The following ACIN1 variants were observed in gnomAD, a reference collection of about 807,000 sequenced individuals.
The protein encoded by ACIN1 is apoptotic chromatin condensation inducer 1.
ACIN1 carries 16 observed loss-of-function variants against 146.6 expected under a neutral mutation model. The ratio of observed to expected loss-of-function variants is 0.11; its 90% CI spans 0.07 to 0.17. The LOEUF is 0.17. Among genes scored for constraint, ACIN1 ranks in the 10% least tolerant of loss-of-function variants. ACIN1 has a pLI of 1.00. For synonymous variants in ACIN1, 569 were observed against 582.7 expected (o/e 0.98, Z 0.34); for missense variants, 1,357 against 1,609.3 (o/e 0.84, Z 2.68).
Position 23,068,689 on chromosome 14 carries a change from G to C in ACIN1, c.2265+787C>G. On this transcript the variant is annotated intron_variant, in intron 9 of 18. Transcript: ENST00000605057. This position sits in a 1 kb window ranked among gnomAD's most constrained non-coding sequence, Gnocchi z 4.3. ...ATGAGGTACTTGGACAAAGTTTTAC[G>C]GGGAAGAAGGACCTTGTAATAAATA... 1 of 985,768 alleles carries C rather than the reference G, an allele frequency of 1.0e-6. No individual in the cohort carries two copies. Among genetic ancestry groups the C allele is most frequent in the Non-Finnish European group, 1.2e-6 (1 of 829,962 alleles). 61.1% of individuals were successfully genotyped at this position (985,768 alleles called of 1,614,324 possible).
At chr14:23,062,691 C>G (rs1057069554) in intron 14 of ACIN1, 168 bp from the exon 15 acceptor site, 1 of 762,890 alleles carries the variant, frequency 1.3e-6, no homozygotes, top group Non-Finnish European at 2.1e-6. Context: ...TGCTTCCCAG[C>G]ACTAATTGAG....
At chr14:23,069,791 G>A (rs973343430) in intron 8 of ACIN1, among the ~76,000 whole-genome samples, 174 bp from the exon 9 acceptor site, 2 of 152,170 alleles carry the variant, frequency 1.3e-5, no homozygotes, top group Non-Finnish European at 2.9e-5. Flanking sequence ...GGAAAAGTGG[G>A]AAATAGATTT....
chr14:23,076,715 C>T (rs567893631), intron 8 of ACIN1, among the ~76,000 whole-genome samples: 265 of 152,258 alleles, frequency 1.7e-3, no homozygotes, highest in African/African-American at 6.0e-3. Context: ...CACTTCAAAA[C>T]TGCCATTTCA....
chr14:23,069,572 A>G lies in ACIN1; in HGVS notation c.2169T>C (p.Pro723=), dbSNP rs1407162761. ...TGGGAGGTTCTGGAACATCATTTTC[A>G]GGTCTGTTTTCACTTGTGTCCATGG... is the stretch of plus-strand genomic sequence containing the variant. The part of the protein sequence containing the change: ...EVTMDTSENR[P]ENDVPEPPMP... Residue 723 remains proline (P), a synonymous_variant, in exon 9 of 19, where the codon CCT becomes CCC. Coordinates refer to ENST00000605057, the MANE Select transcript of ACIN1 (RefSeq NM_001386863.1). 1.4e-6 allele frequency: 2 copies of G among 1,481,152 alleles called. No individual in the cohort carries two copies. Among genetic ancestry groups the G allele is most frequent in the African/African-American group, 1.5e-5 (1 of 67,960 alleles). The allele number at this position is 1,481,152 out of a possible 1,614,324, so 91.8% of individuals were successfully genotyped here. A position where few individuals can be genotyped will look rare whatever the true frequency, so the allele number is the denominator to read the frequency against.
chr14:23,079,477 C>T (rs1013505292), intron 6 of ACIN1, 70 bp downstream of exon 6: 3 of 1,567,262 alleles, frequency 1.9e-6, no homozygotes, highest in Non-Finnish European at 2.6e-6. Flanking sequence ...GACAGGCTCT[C>T]CAGGGGCTGA....
chr14:23,067,210 T>A lies in ACIN1; in HGVS notation c.2266-1202A>T, dbSNP rs1299493597. ...AATAAATAAAAGAAATCAGAAAAAA[T>A]AAAGATATAGAAAAAAATAAAATAA... On this transcript the variant is annotated intron_variant, in intron 9 of 18. Transcript: ENST00000605057. This position sits in a 1 kb window ranked among gnomAD's most constrained non-coding sequence, Gnocchi z 4.6. 4.1e-6 allele frequency: 3 copies of A among 731,570 alleles called. No individual in the cohort carries two copies. Among genetic ancestry groups the A allele is most frequent in the African/African-American group, 4.0e-5 (2 of 50,012 alleles). The allele number at this position is 731,570 out of a possible 1,614,324, so 45.3% of individuals were successfully genotyped here. A position where few individuals can be genotyped will look rare whatever the true frequency, so the allele number is the denominator to read the frequency against.
chr14:23,076,620 A>G (rs1363079697), intron 8 of ACIN1: 1 of 152,238 alleles, frequency 6.6e-6, no homozygotes, highest in Non-Finnish European at 1.5e-5. Context: ...TAAGGCTAGC[A>G]AAGAGCTTTT....
At chr14:23,060,703 G>C (rs764718819) in intron 18 of ACIN1, among the ~76,000 whole-genome samples, 7 of 152,114 alleles carry the variant, frequency 4.6e-5, no homozygotes, top group Non-Finnish European at 7.4e-5. Flanking sequence ...AGTAGAGACA[G>C]GGTTTCCATG....
In ACIN1 at chr14:23,095,129, G is replaced by C. The variant is rs567644587; in HGVS notation, c.-17C>G. The stretch of plus-strand genomic sequence containing the variant: ...CTCCGCCATCTTGCGTGAGGTACTC[G>C]GGTCCGTCCCGACGGCTTCGGGCAT... On this transcript the variant is annotated 5_prime_UTR_variant, in exon 1 of 19. Coordinates refer to ENST00000605057, the MANE Select transcript of ACIN1 (RefSeq NM_001386863.1). 1.2e-6 allele frequency: 2 copies of C among 1,614,222 alleles called. No individual in the cohort carries two copies. The highest frequency in any genetic ancestry group is 2.7e-5 in the African/African-American group (2 of 75,064).
intron 9 of ACIN1, among the ~76,000 whole-genome samples, chr14:23,066,678 T>A (rs1050024506): frequency 6.6e-6 from 1 of 152,130 alleles, no homozygotes; most frequent in African/African-American, 2.4e-5. Flanking sequence ...GTGTCTTTGA[T>A]AAAGGAAGGT....
In ACIN1 at chr14:23,059,387, G is replaced by A. The variant is rs761014319; in HGVS notation, c.3613C>T (p.Arg1205Trp). The A allele has an allele frequency of 1.5e-5, 25 of 1,613,130 alleles. 1 individual carries two copies. The South Asian group carries it at 2.7e-4, about 18-fold the overall frequency. The change falls in exon 19 of 19, where the codon CGG (arginine) becomes TGG (tryptophan). Residue 1205 changes from arginine to tryptophan, a missense_variant. Transcript: ENST00000605057. ...CGTTCCCGCTCGGCTTCCTTCTCCC[G>A]CTCCTTTTGCTCTTCTTCTTCTTGC... ...KEQEEEEQKE[R>W]EKEAERERNR... is the part of the protein sequence containing the mutation.
chr14:23,088,672 T>C (rs2048147515), intron 4 of ACIN1, among the ~76,000 whole-genome samples: 1 of 152,206 alleles, frequency 6.6e-6, no homozygotes, highest in Non-Finnish European at 1.5e-5. Flanking sequence ...TTATTCAAAA[T>C]ACTTGTTAAG....
intron 1 of ACIN1, chr14:23,094,463 C>T: frequency 2.0e-6 from 2 of 985,176 alleles, no homozygotes; most frequent in Non-Finnish European, 2.4e-6. Flanking sequence ...TCATCAAGTC[C>T]CTTCAAATAA....
At chr14:23,079,133 T>C in intron 6 of ACIN1, 95 bp from the exon 7 acceptor site, 1 of 1,251,934 alleles carries the variant, frequency 8.0e-7, no homozygotes. Context: ...GACCAAATTT[T>C]ATACTCTGGA....
rs762640235 is a variant in ACIN1, at chr14:23,069,627, G to T, written c.2124-10C>A. On this transcript the variant is annotated splice_polypyrimidine_tract_variant and intron_variant, in intron 8 of 18. Transcript: ENST00000605057. Reference sequence around the variant, plus strand: ...TTCCTCCTTCTCCTCACTGACAGGAGGGGGGAGTGGTGGTGGGGGGGCGGG... The same window carrying T: ...TTCCTCCTTCTCCTCACTGACAGGATGGGGGAGTGGTGGTGGGGGGGCGGG... The T allele has an allele frequency of 5.6e-6, 9 of 1,598,910 alleles. No homozygotes were observed. The highest frequency in any genetic ancestry group is 3.5e-5 in the Admixed American group (2 of 57,834).
rs1299493597 is a variant in ACIN1, at chr14:23,067,210, T to G, written c.2266-1202A>C. 1.4e-6 allele frequency: 1 copy of G among 731,578 alleles called. No homozygotes were observed. 45.3% of individuals were successfully genotyped at this position (731,578 alleles called of 1,614,324 possible). ...AATAAATAAAAGAAATCAGAAAAAA[T>G]AAAGATATAGAAAAAAATAAAATAA... On this transcript the variant is annotated intron_variant, in intron 9 of 18. Transcript: ENST00000605057. This position sits in a 1 kb window ranked among gnomAD's most constrained non-coding sequence, Gnocchi z 4.6.
intron 8 of ACIN1, 31 bp from the exon 9 acceptor site, chr14:23,069,648 G>GGGGGGGGGGGGCC: frequency 1.7e-6 from 1 of 589,338 alleles, no homozygotes; most frequent in Non-Finnish European, 3.2e-6. Context: ...TGGTGGGGGG[G>GGGGGGGGGGGGCC]CGGGCAGAAA....
chr14:23,091,914 A>G (rs1162414872), intron 2 of ACIN1, among the ~76,000 whole-genome samples: 1 of 152,212 alleles, frequency 6.6e-6, no homozygotes, highest in Admixed American at 6.5e-5. Context: ...GTGAGCCACA[A>G]TGCCCGGCCT....
At position 23,076,138 on chromosome 14, in the gene ACIN1, G is replaced by A. The variant is rs1594767204; in HGVS notation, c.2123+2013C>T. ...AGGAAGGGTGTTGTTAATCAGTTGT[G>A]GTAGGGCCTCCAGAAATGTATGCAA... On this transcript the variant is annotated intron_variant, in intron 8 of 18. Transcript: ENST00000605057. Among the ~76,000 whole-genome samples the A allele has an allele frequency of 1.1e-4, 16 of 152,300 alleles. No homozygotes were observed. The South Asian group carries it at 3.1e-3, about 30-fold the overall frequency.
Sources: allele counts gnomAD v4.1 joint callset (sites outside exome capture counted in the v4.1 genomes callset), GRCh38; gene constraint gnomAD v4.1.1; non-coding constraint Gnocchi (gnomAD v3.1); transcripts MANE v1.5; gene names NCBI Gene and HGNC (gene_info 2026-07-23, HGNC 2026-07-21).